Variants in UBAP2 observed in about 807,000 individuals in gnomAD.
UBAP2 encodes the protein ubiquitin-associated protein 2.
In UBAP2, 75 loss-of-function variants were observed where a neutral mutation model predicts 139.6. That is an observed-to-expected ratio of 0.54 (90% confidence interval 0.45 to 0.65). UBAP2 has a LOEUF of 0.65. UBAP2 is among the 30% of genes least tolerant of loss of function. UBAP2 has a pLI of 0.00. For synonymous variants in UBAP2, 526 were observed against 526.2 expected, an observed-to-expected ratio of 1.00 and a Z score of 0.01; for missense variants, 1,368 against 1,369.6, an observed-to-expected ratio of 1.00 and a Z score of 0.02.
chr9:33,960,726 G>T, intron 10 of UBAP2, 100 bp downstream of exon 10: 1 of 1,177,714 alleles, frequency 8.5e-7, no homozygotes, highest in South Asian at 1.3e-5. Context: ...GTTGCAATGA[G>T]CCAAGATCAC....
At chr9:33,954,624 C>T (rs907418271) in intron 11 of UBAP2, among the ~76,000 whole-genome samples, 7 of 152,264 alleles carry the variant, frequency 4.6e-5, no homozygotes, top group Non-Finnish European at 8.8e-5. Context: ...AAGACTCATT[C>T]CTGACACATG....
intron 2 of UBAP2, among the ~76,000 whole-genome samples, chr9:33,999,645 C>T (rs1291423654): frequency 6.6e-6 from 1 of 152,154 alleles, no homozygotes. Flanking sequence ...GATCCTCCCA[C>T]CTCAGCCTCC....
Position 33,925,873 on chromosome 9 carries a change from T to C in UBAP2, c.2511+744A>G, listed in dbSNP as rs190366213. ...AAACTGCCTGCAACTCTCTGACAAG[T>C]GCCCTGGGAAATGGCAGAGCAAGAA... is the stretch of plus-strand genomic sequence containing the variant. On this transcript the variant is annotated intron_variant, in intron 22 of 28. Transcript: ENST00000379238. Among the ~76,000 whole-genome samples, 84 of 152,272 alleles carry C rather than the reference T, an allele frequency of 5.5e-4. 1 individual carries two copies. The East Asian group carries it at 0.014, about 26-fold the overall frequency.
chr9:33,948,003 A>G lies in UBAP2; in HGVS notation c.1270+371T>C, dbSNP rs959451451. On this transcript the variant is annotated intron_variant, in intron 13 of 28. Transcript: ENST00000379238. ...TCTCAAAAAAAAAAAAAAAAAAAAA[A>G]GTCTTAAAATGTTTTCCACATTCTA... 4.9e-5 allele frequency among the ~76,000 whole-genome samples: 7 copies of G among 144,072 alleles called. No homozygotes were observed. The East Asian group carries it at 1.4e-3, about 28-fold the overall frequency. 94.5% of individuals were successfully genotyped at this position (144,072 alleles called of 152,430 possible).
At chr9:33,953,140 A>G in intron 12 of UBAP2, 145 bp downstream of exon 12, 1 of 774,728 alleles carries the variant, frequency 1.3e-6, no homozygotes, top group South Asian at 2.3e-5. Flanking sequence ...AAGTGCTGGG[A>G]TTACAGGCAT....
At chr9:34,019,887 C>G (rs944138012) in intron 1 of UBAP2, among the ~76,000 whole-genome samples, 1 of 151,952 alleles carries the variant, frequency 6.6e-6, no homozygotes, top group Non-Finnish European at 1.5e-5. Context: ...TGCAGCCGGT[C>G]GCGGTGGCTC....
At chr9:33,947,965 C>A in intron 13 of UBAP2, among the ~76,000 whole-genome samples, 1 of 129,128 alleles carries the variant, frequency 7.7e-6, no homozygotes, top group African/African-American at 2.9e-5. Context: ...CTACGCAGCA[C>A]AGGAAGACCC....
chr9:34,035,698 GAAAC>G (rs1291921855), intron 1 of UBAP2, among the ~76,000 whole-genome samples: 6 of 150,800 alleles, frequency 4.0e-5, no homozygotes, highest in Admixed American at 6.7e-5. Flanking sequence ...AATAAAGAAA[GAAAC>G]AAACAAACAC....
intron 1 of UBAP2, among the ~76,000 whole-genome samples, chr9:34,028,174 T>C (rs1355059558): frequency 6.6e-6 from 1 of 151,976 alleles, no homozygotes; most frequent in Non-Finnish European, 1.5e-5. Context: ...TGCTGTTCCA[T>C]GGATATAACC....
intron 16 of UBAP2, among the ~76,000 whole-genome samples, chr9:33,938,072 A>G (rs1167263614): frequency 6.7e-6 from 1 of 150,092 alleles, no homozygotes; most frequent in Non-Finnish European, 1.5e-5. Context: ...ATCTCGGCTC[A>G]TTGCAACCTC....
chr9:33,949,870 T>A (rs1013553587), intron 12 of UBAP2, among the ~76,000 whole-genome samples: 2 of 152,152 alleles, frequency 1.3e-5, no homozygotes, highest in Non-Finnish European at 2.9e-5. Context: ...GTTGTTTAGA[T>A]GACTAAGAAC....
At chr9:34,048,459 G>A (rs1466167749) in intron 1 of UBAP2, among the ~76,000 whole-genome samples, 4 of 152,214 alleles carry the variant, frequency 2.6e-5, no homozygotes, top group African/African-American at 9.6e-5. Flanking sequence ...CCGACAGCGT[G>A]GCGGGGAAGC....
Position 33,926,673 on chromosome 9 carries a change from G to A in UBAP2, c.2464-9C>T. ...TCGTCATAGCCATAGATCTGTGTGA[G>A]AACCAGAAAGTGTATTTTAGGAACC... On this transcript the variant is annotated splice_polypyrimidine_tract_variant and intron_variant, in intron 21 of 28. Coordinates refer to ENST00000379238, the MANE Select transcript of UBAP2 (RefSeq NM_001370062.2). 3.1e-6 allele frequency: 5 copies of A among 1,614,190 alleles called. No homozygotes were observed. The highest frequency in any genetic ancestry group is 4.2e-6 in the Non-Finnish European group (5 of 1,180,020).
rs1825229596 is a variant in UBAP2 at position 33,941,763 on chromosome 9, C to G, written c.1815G>C (p.Leu605=). ...ITSCSLTSSS[L]NSASPVAMSS... ...ACATTGCTACTGGACTAGCAGAATT[C>G]AGTGATGAGCTTGTCAGACTGCAGG... The change falls in exon 16 of 29, where the codon CTG becomes CTC. Residue 605 remains leucine (L), a synonymous_variant. Transcript: ENST00000379238. The G allele has an allele frequency of 6.8e-6, 11 of 1,614,054 alleles. No individual in the cohort carries two copies. Among genetic ancestry groups the G allele is most frequent in the Non-Finnish European group, 8.5e-6 (10 of 1,179,994 alleles).
At chr9:33,933,249 C>T (rs1824157416) in intron 18 of UBAP2, among the ~76,000 whole-genome samples, 1 of 152,136 alleles carries the variant, frequency 6.6e-6, no homozygotes, top group African/African-American at 2.4e-5. Flanking sequence ...GCTGGCCTCA[C>T]CCTACTCCCA....
chr9:34,031,789 CAA>C (rs138160278), intron 1 of UBAP2, among the ~76,000 whole-genome samples: 47 of 102,818 alleles, frequency 4.6e-4, no homozygotes, highest in Non-Finnish European at 4.7e-4. Flanking sequence ...TGTCCCAAAC[CAA>C]AAAAAAAAAA....
chr9:34,025,988 A>C (rs544696098), intron 1 of UBAP2, among the ~76,000 whole-genome samples: 36 of 152,336 alleles, frequency 2.4e-4, no homozygotes, highest in African/African-American at 8.2e-4. Flanking sequence ...TTGACTTAAC[A>C]ACCACCAACA....
rs965909134 is a variant in UBAP2, at chr9:33,944,412, G to A, written c.1498C>T (p.Pro500Ser). Residue 500 changes from proline (P) to serine (S), a missense_variant, in exon 14 of 29, where the codon CCC becomes TCC. Pro to Ser is a moderately conservative substitution (Grantham distance 74). Transcript: ENST00000379238. ...NISVSVHQPQ[P>S]KHIKLAKRRI... ...CGCTTAGCAAGTTTGATGTGTTTGG[G>A]CTGTGGCTGGTGGACAGACACAGAG... 1 of 1,614,180 alleles carries A rather than the reference G, an allele frequency of 6.2e-7. No homozygotes were observed. The highest frequency in any genetic ancestry group is 8.5e-7 in the Non-Finnish European group (1 of 1,180,034).
At chr9:34,039,933 C>A (rs780473532) in intron 1 of UBAP2, among the ~76,000 whole-genome samples, 14 of 148,266 alleles carry the variant, frequency 9.4e-5, no homozygotes, top group African/African-American at 3.2e-4. Flanking sequence ...CCGAGGCGGG[C>A]GATCACCTGA....
Sources: allele counts gnomAD v4.1 joint callset (sites outside exome capture counted in the v4.1 genomes callset), GRCh38; gene constraint gnomAD v4.1.1; transcripts MANE v1.5; gene names NCBI Gene and HGNC (gene_info 2026-07-23, HGNC 2026-07-21).